Variants in ODAD2 observed in about 807,000 individuals in gnomAD.
ODAD2 encodes the protein outer dynein arm docking complex subunit 2.
Under a neutral mutation model 106.8 loss-of-function variants are expected in ODAD2, and 89 were observed. That is an observed-to-expected ratio of 0.83 (90% CI 0.70 to 0.99). ODAD2 has a LOEUF of 0.99. Among genes scored for constraint, ODAD2 ranks in the 50% least tolerant of loss-of-function variants. ODAD2 has a pLI of 0.00. For missense variants in ODAD2, 1,168 were observed against 1,238.5 expected (o/e 0.94, Z 0.85); for synonymous variants, 404 against 436.2 (o/e 0.93, Z 0.92).
intron 16 of ODAD2, among the ~76,000 whole-genome samples, chr10:27,930,049 A>T (rs1439719280): frequency 1.3e-5 from 2 of 151,674 alleles, no homozygotes; most frequent in Non-Finnish European, 2.9e-5. Context: ...ATATTTATAC[A>T]TTTTTCTATT....
chr10:27,946,197 CATATA>C (rs1846908170), intron 10 of ODAD2, among the ~76,000 whole-genome samples: 1 of 147,586 alleles, frequency 6.8e-6, no homozygotes, highest in African/African-American at 2.5e-5. Context: ...AAATATATTA[CATATA>C]ATATATAAAT....
intron 19 of ODAD2, among the ~76,000 whole-genome samples, chr10:27,838,207 CTG>C (rs1216682124): frequency 6.6e-6 from 1 of 152,160 alleles, no homozygotes; most frequent in African/African-American, 2.4e-5. Context: ...AAGATATTTT[CTG>C]AGTGCCAAAA....
chr10:27,881,838 G>T (rs1841729416), intron 17 of ODAD2, among the ~76,000 whole-genome samples: 1 of 152,028 alleles, frequency 6.6e-6, no homozygotes, highest in Admixed American at 6.6e-5. Flanking sequence ...TCTCAGCCCT[G>T]GTTTCACATT....
chr10:27,929,733 G>C (rs1590050374), intron 16 of ODAD2, among the ~76,000 whole-genome samples: 1 of 152,096 alleles, frequency 6.6e-6, no homozygotes, highest in East Asian at 1.9e-4. Flanking sequence ...TTCTCTCTCA[G>C]GATGTTTTAA....
intron 7 of ODAD2, among the ~76,000 whole-genome samples, chr10:27,973,385 T>C (rs1224364084): frequency 1.3e-5 from 2 of 152,094 alleles, no homozygotes; most frequent in African/African-American, 4.8e-5. Context: ...GCTTGTTATA[T>C]AGGTAAACTC....
At chr10:27,949,510 A>G (rs1350690238) in intron 10 of ODAD2, among the ~76,000 whole-genome samples, 3 of 152,266 alleles carry the variant, frequency 2.0e-5, no homozygotes, top group African/African-American at 7.2e-5. Context: ...ATGTGATGAA[A>G]TGTCCACCAG....
rs141956063 is a variant in ODAD2, at chr10:27,907,921, T to C, written c.2496-144A>G. 64 of 584,788 alleles carry C rather than the reference T, an allele frequency of 1.1e-4. No individual in the cohort carries two copies. In the East Asian group the frequency reaches 1.8e-3, roughly 17 times the overall value. 36.2% of individuals were successfully genotyped at this position (584,788 alleles called of 1,614,324 possible). On this transcript the variant is annotated intron_variant, in intron 16 of 19. Coordinates refer to ENST00000305242, the MANE Select transcript of ODAD2 (RefSeq NM_018076.5). ...TTTTTTTGCAAAACTTCATCAACAG[T>C]AGGGAGATAACATGCTGTTGAATTG... is the stretch of plus-strand genomic sequence containing the variant.
At chr10:27,963,108 T>A (rs2368288) in intron 9 of ODAD2, among the ~76,000 whole-genome samples, 151,769 of 152,062 alleles carry the variant, frequency 1, 75,739 homozygotes, top group East Asian at 1. Flanking sequence ...GCCGGGTTCA[T>A]GTGATTCTCC....
Position 27,885,651 on chromosome 10 carries a change from TATATA to T in ODAD2, c.2610+22007_2610+22011del, listed in dbSNP as rs1247829627. ...TATAAAATATATATTATATATATTA[TATATA>T]ATATATTATATATAAAATATATATA... is the stretch of plus-strand genomic sequence containing the variant. On this transcript the variant is annotated intron_variant, in intron 17 of 19. Coordinates refer to ENST00000305242, the MANE Select transcript of ODAD2 (RefSeq NM_018076.5). Among the ~76,000 whole-genome samples the T allele has an allele frequency of 2.7e-4, 16 of 60,272 alleles. 3 individuals are homozygous for T. The Admixed American group carries it at 4.0e-3, about 15-fold the overall frequency. 39.5% of individuals were successfully genotyped at this position (60,272 alleles called of 152,430 possible).
chr10:27,823,427 C>T (rs1226411825), intron 19 of ODAD2, among the ~76,000 whole-genome samples: 1 of 152,138 alleles, frequency 6.6e-6, no homozygotes, highest in African/African-American at 2.4e-5. Flanking sequence ...TGAGTTCAGA[C>T]AGTCTGAATT....
In ODAD2 at chr10:27,907,652, T is replaced by C. The variant is rs111710872; in HGVS notation, c.2610+11A>G. The stretch of plus-strand genomic sequence containing the variant: ...GATTCTAGAAGAGACTGACTTGCAG[T>C]CCGTTCTTACCTTTGCATTTTTGAT... On this transcript the variant is annotated intron_variant, in intron 17 of 19. Coordinates refer to ENST00000305242, the MANE Select transcript of ODAD2 (RefSeq NM_018076.5). 1,035 of 1,593,884 alleles carry C rather than the reference T, an allele frequency of 6.5e-4. 7 individuals carry two copies. The African/African-American group carries it at 0.012, about 18-fold the overall frequency.
rs1564509337 is a variant in ODAD2 at position 27,924,012 on chromosome 10, A to AAGAAAGAAGGAAAG, written c.2495+10997_2495+10998insCTTTCCTTCTTTCT. On this transcript the variant is annotated intron_variant, in intron 16 of 19. Coordinates refer to ENST00000305242, the MANE Select transcript of ODAD2 (RefSeq NM_018076.5). ...AAAGAAAGAAAGAAAGAAAGAAAGAAAGAAAGAAAGAAGGAAAGAGAAAGA... is the reference window on the plus strand; with the variant it reads ...AAAGAAAGAAAGAAAGAAAGAAAGAAAGAAAGAAGGAAAGAGAAAGAAAGAAGGAAAGAGAAAGA... 5.6e-3 allele frequency among the ~76,000 whole-genome samples: 630 copies of AAGAAAGAAGGAAAG among 113,280 alleles called. 16 individuals carry two copies. The highest frequency in any genetic ancestry group is 7.5e-3 in the East Asian group (26 of 3,446). 74.3% of individuals were successfully genotyped at this position (113,280 alleles called of 152,430 possible).
chr10:27,962,702 T>A (rs1282173653), intron 9 of ODAD2, among the ~76,000 whole-genome samples: 1 of 152,156 alleles, frequency 6.6e-6, no homozygotes, highest in Non-Finnish European at 1.5e-5. Flanking sequence ...TGGAATCCAA[T>A]ATATGCCCTA....
intron 19 of ODAD2, among the ~76,000 whole-genome samples, chr10:27,823,991 T>G (rs1176049558): frequency 1.5e-5 from 2 of 137,058 alleles, no homozygotes; most frequent in African/African-American, 6.2e-5. Flanking sequence ...ATACAAAAAA[T>G]TAGCCGGGCG....
intron 19 of ODAD2, among the ~76,000 whole-genome samples, chr10:27,847,761 T>C (rs1182593301): frequency 6.6e-6 from 1 of 152,030 alleles, no homozygotes; most frequent in Non-Finnish European, 1.5e-5. Context: ...ATCACAAGCA[T>C]TCTTATACAC....
At chr10:27,872,434 A>G (rs1431777572) in intron 17 of ODAD2, among the ~76,000 whole-genome samples, 3 of 151,818 alleles carry the variant, frequency 2.0e-5, no homozygotes, top group Non-Finnish European at 4.4e-5. Context: ...GTCTTGTGCC[A>G]GTTTTCAAAG....
At position 27,985,157 on chromosome 10, in the gene ODAD2, T is replaced by C; in HGVS notation, c.437A>G (p.Glu146Gly). The C allele has an allele frequency of 1.3e-6, 2 of 1,591,766 alleles. No individual in the cohort carries two copies. Among genetic ancestry groups the C allele is most frequent in the South Asian group, 2.3e-5 (2 of 88,838 alleles). Residue 146 changes from glutamate (E) to glycine (G), a missense_variant, in exon 4 of 20, where the codon GAA becomes GGA. Transcript: ENST00000305242. ...ILGSDYNTMK[E>G]NSIALNILGK... is the part of the protein sequence containing the mutation. ...AAGAATATTTAATGCAATTGAGTTT[T>C]CTTTCATTGTATTATAATCAGAGCC...
At chr10:27,834,457 T>C (rs116272781) in intron 19 of ODAD2, among the ~76,000 whole-genome samples, 2,817 of 152,176 alleles carry the variant, frequency 0.019, 93 homozygotes, top group African/African-American at 0.065. Flanking sequence ...AACCTAATCA[T>C]CACACGGCCA....
At position 27,924,025 on chromosome 10, in the gene ODAD2, G is replaced by GAAAGAAAGAAAGAAA. The variant is rs1564509522; in HGVS notation, c.2495+10984_2495+10985insTTTCTTTCTTTCTTT. 1.3e-4 allele frequency among the ~76,000 whole-genome samples: 8 copies of GAAAGAAAGAAAGAAA among 59,922 alleles called. 1 individual carries two copies. The highest frequency in any genetic ancestry group is 2.4e-4 in the Non-Finnish European group (7 of 28,816). 39.3% of individuals were successfully genotyped at this position (59,922 alleles called of 152,430 possible). A position where few individuals can be genotyped will look rare whatever the true frequency, so the allele number is the denominator to read the frequency against. The stretch of plus-strand genomic sequence containing the variant: ...AAGAAAGAAAGAAAGAAAGAAAGAA[G>GAAAGAAAGAAAGAAA]GAAAGAGAAAGAAAGAAGGAAAGAG... On this transcript the variant is annotated intron_variant, in intron 16 of 19. Transcript: ENST00000305242.
Sources: gnomAD v4.1 joint callset for allele counts (sites outside exome capture counted in the v4.1 genomes callset) on GRCh38, gnomAD v4.1.1 for gene constraint, MANE v1.5 for transcripts, NCBI Gene and HGNC (gene_info 2026-07-23, HGNC 2026-07-21) for gene names.